HTRA4: variants seen among roughly 807,000 people sequenced by gnomAD.
The protein encoded by HTRA4 is serine protease HTRA4.
Under a neutral mutation model 49.1 loss-of-function variants are expected in HTRA4, and 46 were observed. The observed-to-expected ratio is 0.94, with a 90% CI of 0.74 to 1.20. The LOEUF (loss-of-function observed/expected upper bound fraction) is 1.20, where lower values mean the gene tolerates loss of function less well. Among genes scored for constraint, HTRA4 ranks in the 50% most tolerant of loss-of-function variants. The probability of loss-of-function intolerance (pLI) is 0.00; values close to 1 mark genes in which losing one functional copy is unlikely to be tolerated. For missense variants in HTRA4, 602 were observed against 636.9 expected, an observed-to-expected ratio of 0.95 and a Z score of 0.59; for synonymous variants, 261 against 264.0, an observed-to-expected ratio of 0.99 and a Z score of 0.11.
chr8:38,982,875 T>C, intron 7 of HTRA4, 78 bp from the exon 8 acceptor site: 1 of 916,820 alleles, frequency 1.1e-6, no homozygotes, highest in Non-Finnish European at 1.7e-6. Context: ...CAGAACAGAG[T>C]ACCTACTAAG....
intron 1 of HTRA4, 119 bp from the exon 2 acceptor site, chr8:38,974,912 A>G: frequency 7.8e-7 from 1 of 1,281,542 alleles, no homozygotes; most frequent in Admixed American, 1.8e-5. Context: ...ACCGGCTGCT[A>G]CGTGGTTTCT....
chr8:38,974,267 A>C lies in HTRA4; in HGVS notation c.4A>C (p.Ile2Leu). 1.2e-6 allele frequency: 2 copies of C among 1,612,248 alleles called. No homozygotes were observed. The highest frequency in any genetic ancestry group is 1.7e-6 in the Non-Finnish European group (2 of 1,179,432). Residue 2 changes from isoleucine (I) to leucine (L), a missense_variant, in exon 1 of 9, where the codon ATT becomes CTT. Transcript: ENST00000302495. ...GTGGAAGCGAGGAAGGAACAGGATG[A>C]TTAGACCTCAGCTGCGGACCGCGGG... M[I>L]RPQLRTAGLG...
At chr8:38,976,888 T>C (rs1835357915) in intron 3 of HTRA4, 149 bp downstream of exon 3, 4 of 763,298 alleles carry the variant, frequency 5.2e-6, no homozygotes, top group Non-Finnish European at 8.4e-6. Flanking sequence ...TACTCCCTCT[T>C]TTATTTATTT....
intron 3 of HTRA4, 77 bp from the exon 4 acceptor site, chr8:38,977,876 A>G: frequency 1.4e-6 from 2 of 1,473,254 alleles, no homozygotes; most frequent in Non-Finnish European, 9.4e-7. Flanking sequence ...TGTGTTAGAC[A>G]CACACTTTGG....
In HTRA4 at chr8:38,975,068, C is replaced by A. The variant is rs1835331753; in HGVS notation, c.504C>A (p.Asn168Lys). Residue 168 changes from asparagine (N) to lysine (K), a missense_variant, in exon 2 of 9, where the codon AAC (asparagine) becomes AAA (lysine). Physicochemically the swap from Asn to Lys is moderately conservative, Grantham distance 94. Transcript: ENST00000302495. The part of the protein sequence containing the change: ...RSAGPLRRNY[N>K]FIAAVVEKVA... ...CAGGCCCGCTCAGGAGGAATTACAA[C>A]TTCATCGCCGCGGTGGTGGAGAAGG... 1 of 1,614,068 alleles carries A rather than the reference C, an allele frequency of 6.2e-7. No individual in the cohort carries two copies. Among genetic ancestry groups the A allele is most frequent in the Non-Finnish European group, 8.5e-7 (1 of 1,180,012 alleles).
chr8:38,980,846 C>A (rs1835409975), intron 5 of HTRA4, among the ~76,000 whole-genome samples: 1 of 152,074 alleles, frequency 6.6e-6, no homozygotes, highest in African/African-American at 2.4e-5. Context: ...TACCTCATAC[C>A]TTTAGCTTAG....
intron 5 of HTRA4, among the ~76,000 whole-genome samples, chr8:38,981,076 T>TG (rs1835414702): frequency 2.9e-5 from 3 of 104,266 alleles, no homozygotes; most frequent in Admixed American, 9.4e-5. Flanking sequence ...TTTTTTTTTT[T>TG]TTTTTTTTTT....
In HTRA4 at chr8:38,975,045, G is replaced by A. The variant is rs144266191; in HGVS notation, c.481G>A (p.Gly161Ser). Reference protein sequence around the residue: ...NCGDTGTRSAGPLRRNYNFIA... With the variant: ...NCGDTGTRSASPLRRNYNFIA... ...TTTTTTCATAGGGACCAGAAGCGCA[G>A]GCCCGCTCAGGAGGAATTACAACTT... is the stretch of plus-strand genomic sequence containing the variant. The change falls in exon 2 of 9, where the codon GGC becomes AGC. Residue 161 changes from glycine to serine, a missense_variant. Coordinates refer to ENST00000302495, the MANE Select transcript of HTRA4 (RefSeq NM_153692.4). 151 of 1,614,144 alleles carry A rather than the reference G, an allele frequency of 9.4e-5. No individual in the cohort carries two copies. The African/African-American group carries it at 1.8e-3, about 19-fold the overall frequency.
intron 2 of HTRA4, among the ~76,000 whole-genome samples, chr8:38,975,411 A>C (rs542791168): frequency 1.8e-4 from 28 of 152,136 alleles, no homozygotes; most frequent in Non-Finnish European, 3.4e-4. Context: ...GCTAGTAGGC[A>C]ATTTCTTTTC....
intron 8 of HTRA4, among the ~76,000 whole-genome samples, chr8:38,987,002 G>C (rs897117647): frequency 6.6e-6 from 1 of 152,158 alleles, no homozygotes; most frequent in Non-Finnish European, 1.5e-5. Flanking sequence ...GTACTCACTG[G>C]TCCTAAGTCA....
At position 38,976,686 on chromosome 8, in the gene HTRA4, G is replaced by A. The variant is rs1835355532; in HGVS notation, c.718G>A (p.Val240Ile). The A allele has an allele frequency of 1.2e-6, 2 of 1,614,168 alleles. No homozygotes were observed. The highest frequency in any genetic ancestry group is 2.2e-5 in the South Asian group (2 of 91,090). ...GAATGGGGCCCGTTATGAAGCTGTT[G>A]TCAAGGATATTGACCTTAAATTGGA... ...LQNGARYEAV[V>I]KDIDLKLDLA... Residue 240 changes from valine to isoleucine, a missense_variant, in exon 3 of 9, where the codon GTC becomes ATC. By Grantham distance (29) the Val-to-Ile change is conservative. Coordinates refer to ENST00000302495, the MANE Select transcript of HTRA4 (RefSeq NM_153692.4).
chr8:38,975,274 G>T, intron 2 of HTRA4, 144 bp downstream of exon 2: 1 of 797,146 alleles, frequency 1.3e-6, no homozygotes, highest in Non-Finnish European at 2.0e-6. Context: ...ACCTGTTCAA[G>T]GTCATTTAAC....
intron 2 of HTRA4, among the ~76,000 whole-genome samples, chr8:38,975,724 T>A (rs1239887596): frequency 1.3e-5 from 2 of 152,194 alleles, no homozygotes; most frequent in Non-Finnish European, 2.9e-5. Context: ...GCATTTTGGT[T>A]GTGATCTTGC....
At chr8:38,977,006 G>A (rs1029594260) in intron 3 of HTRA4, among the ~76,000 whole-genome samples, 1 of 151,940 alleles carries the variant, frequency 6.6e-6, no homozygotes, top group Admixed American at 6.6e-5. Context: ...CTCAATCTCA[G>A]CTCACTGCAA....
At position 38,981,593 on chromosome 8, in the gene HTRA4, G is replaced by A. The variant is rs770311523; in HGVS notation, c.1000-60G>A. On this transcript the variant is annotated intron_variant, in intron 5 of 8. Coordinates refer to ENST00000302495, the MANE Select transcript of HTRA4 (RefSeq NM_153692.4). Reference sequence around the variant, plus strand: ...CTTCACTCCTTCTTCTGCTTGTTCTGGTCTTGCACTCATCAGTTTGCAAAA... The same window carrying A: ...CTTCACTCCTTCTTCTGCTTGTTCTAGTCTTGCACTCATCAGTTTGCAAAA... 2.6e-4 allele frequency: 289 copies of A among 1,112,126 alleles called. 1 individual carries two copies. The highest frequency in any genetic ancestry group is 8.1e-5 in the Non-Finnish European group (59 of 726,578). The allele number at this position is 1,112,126 out of a possible 1,614,324, so 68.9% of individuals were successfully genotyped here.
chr8:38,983,609 G>C (rs1835451251), intron 8 of HTRA4, among the ~76,000 whole-genome samples: 1 of 152,046 alleles, frequency 6.6e-6, no homozygotes, highest in South Asian at 2.1e-4. Flanking sequence ...AGGAAACAGA[G>C]TGTAAAATAA....
rs934967379 is a variant in HTRA4 at position 38,983,715 on chromosome 8, A to T, written c.1268+667A>T. Reference sequence around the variant, plus strand: ...TAAATTCATCTATTTAAAAATTTTTAAAAATGTGGCTACAAGAAAATTTAA... The same window carrying T: ...TAAATTCATCTATTTAAAAATTTTTTAAAATGTGGCTACAAGAAAATTTAA... On this transcript the variant is annotated intron_variant, in intron 8 of 8. Transcript: ENST00000302495. Among the ~76,000 whole-genome samples the T allele has an allele frequency of 4.6e-5, 7 of 152,088 alleles. No individual in the cohort carries two copies. In the East Asian group the frequency reaches 1.3e-3, roughly 29 times the overall value.
At position 38,975,114 on chromosome 8, in the gene HTRA4, G is replaced by C. The variant is rs747418954; in HGVS notation, c.550G>C (p.Val184Leu). The C allele has an allele frequency of 1.9e-6, 3 of 1,613,742 alleles. No homozygotes were observed. Among genetic ancestry groups the C allele is most frequent in the South Asian group, 2.2e-5 (2 of 91,084 alleles). ...VEKVAPSVVH[V>L]QLWGRLLHGS... The stretch of plus-strand genomic sequence containing the variant: ...GAAGGTGGCGCCATCGGTGGTTCAC[G>C]TGCAGCTGTGGGGCAGGTAAAGGAG... The change falls in exon 2 of 9, where the codon GTG (valine) becomes CTG (leucine). Residue 184 changes from valine to leucine, a missense_variant. Coordinates refer to ENST00000302495, the MANE Select transcript of HTRA4 (RefSeq NM_153692.4).
chr8:38,975,049 C>T lies in HTRA4; in HGVS notation c.485C>T (p.Pro162Leu). The change falls in exon 2 of 9, where the codon CCG becomes CTG. Residue 162 changes from proline to leucine, a missense_variant. By Grantham distance (98) the Pro-to-Leu change is moderately conservative (BLOSUM62 -3). Coordinates refer to ENST00000302495, the MANE Select transcript of HTRA4 (RefSeq NM_153692.4). Reference protein sequence around the residue: ...CGDTGTRSAGPLRRNYNFIAA... With the variant: ...CGDTGTRSAGLLRRNYNFIAA... ...TTCATAGGGACCAGAAGCGCAGGCC[C>T]GCTCAGGAGGAATTACAACTTCATC... 2 of 1,614,104 alleles carry T rather than the reference C, an allele frequency of 1.2e-6. No homozygotes were observed. Among genetic ancestry groups the T allele is most frequent in the South Asian group, 1.1e-5 (1 of 91,082 alleles).
Sources: gnomAD v4.1 joint callset for allele counts (sites outside exome capture counted in the v4.1 genomes callset) on GRCh38, gnomAD v4.1.1 for gene constraint, MANE v1.5 for transcripts, NCBI Gene and HGNC (gene_info 2026-07-23, HGNC 2026-07-21) for gene names.